The following VSTM4 variants were observed in gnomAD, a reference collection of about 807,000 sequenced individuals.
VSTM4 encodes V-set and transmembrane domain-containing protein 4.
A neutral mutation model predicts 36.4 loss-of-function variants in VSTM4; 20 were observed. The ratio of observed to expected loss-of-function variants is 0.55; its 90% CI spans 0.39 to 0.80. The LOEUF is 0.80. Ranked by LOEUF, VSTM4 falls within the 30% of genes least tolerant of loss-of-function variation. The pLI is 0.00. For missense variants in VSTM4, 392 were observed against 404.5 expected (o/e 0.97, Z 0.26); for synonymous variants, 182 against 173.9 (o/e 1.05, Z -0.37).
At chr10:49,029,332 T>C (rs186638260) in intron 7 of VSTM4, among the ~76,000 whole-genome samples, 117 of 152,348 alleles carry the variant, frequency 7.7e-4, no homozygotes, top group African/African-American at 2.6e-3. Context: ...AAAAGAAATG[T>C]CTTTCCAAAA....
At chr10:49,026,605 G>A (rs1296619626) in intron 7 of VSTM4, among the ~76,000 whole-genome samples, 1 of 152,218 alleles carries the variant, frequency 6.6e-6, no homozygotes, top group East Asian at 1.9e-4. Context: ...ATCTCTGGGT[G>A]CCACCCTGCC....
chr10:49,023,533 G>T (rs1391607790), intron 7 of VSTM4, among the ~76,000 whole-genome samples: 1 of 152,250 alleles, frequency 6.6e-6, no homozygotes, highest in African/African-American at 2.4e-5. Flanking sequence ...AGAGCCAGGA[G>T]CTGAAAGCAG....
intron 5 of VSTM4, among the ~76,000 whole-genome samples, chr10:49,060,844 A>T (rs937652574): frequency 2.0e-5 from 3 of 152,202 alleles, no homozygotes; most frequent in Non-Finnish European, 4.4e-5. Context: ...TTTTGGAGGC[A>T]ATGTGAGACA....
intron 2 of VSTM4, among the ~76,000 whole-genome samples, chr10:49,097,824 A>G (rs1844599543): frequency 6.6e-6 from 1 of 152,258 alleles, no homozygotes; most frequent in East Asian, 1.9e-4. Context: ...GAAGAGGACA[A>G]GAACAAGTTG....
In VSTM4 at chr10:49,054,257, G is replaced by A. The variant is rs528830773; in HGVS notation, c.669-5673C>T. Among the ~76,000 whole-genome samples, 28 of 152,346 alleles carry A rather than the reference G, an allele frequency of 1.8e-4. 1 individual carries two copies. The East Asian group carries it at 5.0e-3, about 27-fold the overall frequency. ...GGTCAATAGAGCCAGAGCCACAGTG[G>A]CTACTCCCAGTTTAAACCATCTCCC... On this transcript the variant is annotated intron_variant, in intron 5 of 7. Coordinates refer to ENST00000332853, the MANE Select transcript of VSTM4 (RefSeq NM_001031746.5).
chr10:49,108,842 C>A (rs1362229576), intron 1 of VSTM4, among the ~76,000 whole-genome samples: 1 of 152,144 alleles, frequency 6.6e-6, no homozygotes, highest in Non-Finnish European at 1.5e-5. Context: ...GATGGAGCCA[C>A]CCCAGCGCCC....
intron 2 of VSTM4, among the ~76,000 whole-genome samples, chr10:49,096,638 T>C (rs1040764788): frequency 1.0e-4 from 15 of 146,202 alleles, no homozygotes; most frequent in Admixed American, 6.9e-4. Flanking sequence ...TGTGTGTGTG[T>C]GTGTGTGTGT....
intron 4 of VSTM4, among the ~76,000 whole-genome samples, chr10:49,076,990 G>A (rs895006262): frequency 3.3e-5 from 5 of 152,210 alleles, no homozygotes; most frequent in Non-Finnish European, 5.9e-5. Context: ...GCAGGAAGGG[G>A]CCTCAGAAAC....
chr10:49,097,514 G>A (rs1366526998), intron 2 of VSTM4, among the ~76,000 whole-genome samples: 2 of 152,160 alleles, frequency 1.3e-5, no homozygotes, highest in Non-Finnish European at 2.9e-5. Context: ...TCAAGGGTGC[G>A]TAGAGGGGCA....
intron 4 of VSTM4, among the ~76,000 whole-genome samples, chr10:49,075,047 G>T (rs61848377): frequency 3.3e-5 from 5 of 152,138 alleles, no homozygotes; most frequent in African/African-American, 7.2e-5. Flanking sequence ...CTCAGACAAC[G>T]CTCTGGACAG....
At chr10:49,029,851 A>G (rs1295572221) in intron 7 of VSTM4, among the ~76,000 whole-genome samples, 1 of 152,196 alleles carries the variant, frequency 6.6e-6, no homozygotes, top group Non-Finnish European at 1.5e-5. Context: ...GAAACAGAAG[A>G]CTTGAGGCCA....
chr10:49,051,061 T>G (rs1843689969), intron 5 of VSTM4, among the ~76,000 whole-genome samples: 1 of 152,176 alleles, frequency 6.6e-6, no homozygotes, highest in African/African-American at 2.4e-5. Flanking sequence ...TCAGTATCCC[T>G]CAAAGTCCAC....
chr10:49,055,019 T>G (rs1412304729), intron 5 of VSTM4, among the ~76,000 whole-genome samples: 1 of 152,200 alleles, frequency 6.6e-6, no homozygotes, highest in African/African-American at 2.4e-5. Context: ...CCTTCTTGAA[T>G]GAGTAGATGC....
chr10:49,097,864 G>C (rs1220694744), intron 2 of VSTM4, among the ~76,000 whole-genome samples: 5 of 152,190 alleles, frequency 3.3e-5, no homozygotes, highest in Non-Finnish European at 4.4e-5. Context: ...CTAAAATTGT[G>C]ACTCAACTAC....
At chr10:49,051,678 G>A (rs2131964078) in intron 5 of VSTM4, among the ~76,000 whole-genome samples, 1 of 152,318 alleles carries the variant, frequency 6.6e-6, no homozygotes, top group Middle Eastern at 3.4e-3. Flanking sequence ...TTACAGGCAT[G>A]AGCCACTGCT....
intron 5 of VSTM4, among the ~76,000 whole-genome samples, chr10:49,053,472 C>A (rs1433673909): frequency 6.6e-6 from 1 of 152,224 alleles, no homozygotes; most frequent in East Asian, 1.9e-4. Context: ...GGGCAAGTCA[C>A]TTACTTCCCC....
chr10:49,078,815 C>T (rs1360572866), intron 3 of VSTM4, among the ~76,000 whole-genome samples: 1 of 152,134 alleles, frequency 6.6e-6, no homozygotes. Flanking sequence ...CAAACTGGTA[C>T]AAGGGATCTC....
intron 4 of VSTM4, among the ~76,000 whole-genome samples, chr10:49,070,588 C>G (rs939562776): frequency 6.6e-6 from 1 of 152,234 alleles, no homozygotes; most frequent in Non-Finnish European, 1.5e-5. Context: ...GAACGGCAGT[C>G]ACTCAGCACA....
At position 49,103,600 on chromosome 10, in the gene VSTM4, G is replaced by A. The variant is rs916543522; in HGVS notation, c.457+3994C>T. ...CACTCCTATGGCTCTTCTCAGAACT[G>A]GGAGTTATTTTTTAAATATATCATC... On this transcript the variant is annotated intron_variant, in intron 2 of 7. Coordinates refer to ENST00000332853, the MANE Select transcript of VSTM4 (RefSeq NM_001031746.5). The A allele has an allele frequency of 1.9e-5, 27 of 1,454,670 alleles. No individual in the cohort carries two copies. In the African/African-American group the frequency reaches 3.3e-4, roughly 18 times the overall value. The allele number at this position is 1,454,670 out of a possible 1,614,324, so 90.1% of individuals were successfully genotyped here.
Sources: gnomAD v4.1 joint callset for allele counts (sites outside exome capture counted in the v4.1 genomes callset) on GRCh38, gnomAD v4.1.1 for gene constraint, MANE v1.5 for transcripts, NCBI Gene and HGNC (gene_info 2026-07-23, HGNC 2026-07-21) for gene names.